The following MED13L variants were observed in gnomAD, a reference collection of about 807,000 sequenced individuals.
MED13L encodes the protein mediator of RNA polymerase II transcription subunit 13-like.
A neutral mutation model predicts 220.9 loss-of-function variants in MED13L; 7 were observed. That is an observed-to-expected ratio of 0.03 (90% confidence interval 0.02 to 0.06). The LOEUF (loss-of-function observed/expected upper bound fraction) is 0.06, where lower values mean the gene tolerates loss of function less well. MED13L is among the 10% of genes least tolerant of loss of function. The pLI is 1.00. For missense variants in MED13L, 1,965 were observed against 2,760.5 expected (o/e 0.71, Z 6.46); for synonymous variants, 1,011 against 1,015.2 (o/e 1.00, Z 0.08).
intron 2 of MED13L, among the ~76,000 whole-genome samples, chr12:116,190,630 A>T (rs1165392470): frequency 6.6e-6 from 1 of 152,244 alleles, no homozygotes; most frequent in Non-Finnish European, 1.5e-5. Context: ...CAATTAATCA[A>T]AACTAAGTAC....
chr12:116,098,610 G>C (rs1421003046), intron 3 of MED13L, among the ~76,000 whole-genome samples: 1 of 147,848 alleles, frequency 6.8e-6, no homozygotes, highest in Non-Finnish European at 1.5e-5. Context: ...GACCACAATG[G>C]AACTCCTTTT....
intron 2 of MED13L, among the ~76,000 whole-genome samples, chr12:116,131,293 T>C (rs1427728697): frequency 6.6e-6 from 1 of 152,246 alleles, no homozygotes; most frequent in African/African-American, 2.4e-5. Flanking sequence ...ATCCATATTG[T>C]ATGTGCCAGC....
At position 116,277,047 on chromosome 12, in the gene MED13L, C is replaced by G. The variant is rs542687581; in HGVS notation, c.72+13G>C. On this transcript the variant is annotated intron_variant, in intron 1 of 30. Coordinates refer to ENST00000281928, the MANE Select transcript of MED13L (RefSeq NM_015335.5). ...CCCCGGCACAGCCCCCTCCCCGCAGCCCGGCTACTCACCAGCGAAAAGAGG... is the reference window on the plus strand; with the variant it reads ...CCCCGGCACAGCCCCCTCCCCGCAGGCCGGCTACTCACCAGCGAAAAGAGG... 1.3e-6 allele frequency: 2 copies of G among 1,575,630 alleles called. No homozygotes were observed. Among genetic ancestry groups the G allele is most frequent in the Admixed American group, 1.8e-5 (1 of 55,032 alleles).
intron 16 of MED13L, among the ~76,000 whole-genome samples, chr12:115,994,353 T>C (rs1346097029): frequency 1.3e-5 from 2 of 152,040 alleles, no homozygotes; most frequent in African/African-American, 4.8e-5. Flanking sequence ...AGGAGGCTGA[T>C]GTGGGAGGAT....
At chr12:115,976,492 G>A (rs1592906159) in intron 23 of MED13L, among the ~76,000 whole-genome samples, 1 of 152,134 alleles carries the variant, frequency 6.6e-6, no homozygotes, top group East Asian at 1.9e-4. Context: ...TATCTTTAAG[G>A]GATTGGAAAG....
chr12:116,083,133 G>T (rs571735110), intron 4 of MED13L, among the ~76,000 whole-genome samples: 1 of 152,106 alleles, frequency 6.6e-6, no homozygotes, highest in East Asian at 1.9e-4. Flanking sequence ...CAGGCCAGGC[G>T]TGGTGGCTCA....
intron 1 of MED13L, among the ~76,000 whole-genome samples, chr12:116,267,393 T>A (rs998344799): frequency 6.6e-6 from 1 of 152,222 alleles, no homozygotes; most frequent in Non-Finnish European, 1.5e-5. Context: ...AATGCTATAC[T>A]TAAAACAAGT....
At chr12:116,200,335 C>T (rs1320240705) in intron 2 of MED13L, among the ~76,000 whole-genome samples, 1 of 152,040 alleles carries the variant, frequency 6.6e-6, no homozygotes, top group Non-Finnish European at 1.5e-5. Context: ...ATCTAGTGTA[C>T]TATAGCCACC....
chr12:116,271,040 C>CA (rs58162276), intron 1 of MED13L, among the ~76,000 whole-genome samples: 1,146 of 29,918 alleles, frequency 0.038, 141 homozygotes, highest in African/African-American at 0.057. Context: ...GACTCCGTCT[C>CA]AAAAAAAAAA....
In MED13L at chr12:116,019,325, C is replaced by T. The variant is rs1879915779; in HGVS notation, c.908G>A (p.Gly303Asp). 6.2e-7 allele frequency: 1 copy of T among 1,613,908 alleles called. No homozygotes were observed. Among genetic ancestry groups the T allele is most frequent in the African/African-American group, 1.3e-5 (1 of 74,906 alleles). ...CCCTTGCTGCCCAACTGCAATGTGG[C>T]CTCCAGCACTGGCAACACTCTGAGG... ...PVPQSVASAG[G>D]HIAVGQQGLG... The change falls in exon 7 of 31, where the codon GGC becomes GAC. Residue 303 changes from glycine (G) to aspartate (D), a missense_variant. Physicochemically the swap from Gly to Asp is moderately conservative, Grantham distance 94. Around this residue, in one of 10 missense-constraint regions of MED13L, gnomAD observed 818 missense variants for 1,041.2 expected, o/e 0.79. Transcript: ENST00000281928.
chr12:116,058,025 T>C (rs908133707), intron 4 of MED13L, among the ~76,000 whole-genome samples: 1 of 152,102 alleles, frequency 6.6e-6, no homozygotes, highest in Non-Finnish European at 1.5e-5. Flanking sequence ...TCACGAAAAA[T>C]TCATTTACTT....
At chr12:116,063,943 G>C (rs1040569357) in intron 4 of MED13L, among the ~76,000 whole-genome samples, 1 of 152,248 alleles carries the variant, frequency 6.6e-6, no homozygotes, top group African/African-American at 2.4e-5. Flanking sequence ...AGCACTTTGA[G>C]ATGGTGAGGT....
intron 2 of MED13L, among the ~76,000 whole-genome samples, chr12:116,174,123 A>C (rs1879879344): frequency 6.6e-6 from 1 of 152,048 alleles, no homozygotes; most frequent in Admixed American, 6.6e-5. Flanking sequence ...AAACTCAAAA[A>C]CTTAACCCCA....
chr12:116,019,152 T>G, intron 7 of MED13L, 72 bp downstream of exon 7: 3 of 1,469,100 alleles, frequency 2.0e-6, no homozygotes, highest in Non-Finnish European at 2.8e-6. Flanking sequence ...TTTTCTCACC[T>G]GTTCCATGGC....
chr12:116,200,057 G>A (rs1161222284), intron 2 of MED13L, among the ~76,000 whole-genome samples: 2 of 145,486 alleles, frequency 1.4e-5, no homozygotes, highest in Non-Finnish European at 3.0e-5. Flanking sequence ...ACTCTGGATG[G>A]CCAAGGCAGG....
chr12:116,228,333 T>C lies in MED13L; in HGVS notation c.310+9135A>G, dbSNP rs1869210034. 3.9e-5 allele frequency among the ~76,000 whole-genome samples: 6 copies of C among 152,212 alleles called. No homozygotes were observed. In the South Asian group the frequency reaches 1.2e-3, roughly 32 times the overall value. On this transcript the variant is annotated intron_variant, in intron 2 of 30. Coordinates refer to ENST00000281928, the MANE Select transcript of MED13L (RefSeq NM_015335.5). ...CAACAGGTTTTATTTTTTTCTTTTC[T>C]AGAGATAGGGTCTTACTGTGTCACT...
chr12:116,173,053 T>C (rs1249816875), intron 2 of MED13L, among the ~76,000 whole-genome samples: 1 of 137,426 alleles, frequency 7.3e-6, no homozygotes, highest in Non-Finnish European at 1.5e-5. Flanking sequence ...GATCAGAAAA[T>C]ACACCTTGCT....
chr12:116,276,372 G>A, intron 1 of MED13L: 6 of 1,034,612 alleles, frequency 5.8e-6, no homozygotes, highest in African/African-American at 1.6e-5. Flanking sequence ...TGTTAGGATA[G>A]AGAAAAACAG....
In MED13L at chr12:116,002,501, G is replaced by A. The variant is rs574073735; in HGVS notation, c.2569+502C>T. Reference sequence around the variant, plus strand: ...GCAAAGAATATACTCAAAAAAAAGAGGTTCATCTCTTTGTCAGCATATATG... The same window carrying A: ...GCAAAGAATATACTCAAAAAAAAGAAGTTCATCTCTTTGTCAGCATATATG... On this transcript the variant is annotated intron_variant, in intron 14 of 30. Transcript: ENST00000281928. Among the ~76,000 whole-genome samples, 17 of 152,252 alleles carry A rather than the reference G, an allele frequency of 1.1e-4. No individual in the cohort carries two copies. The East Asian group carries it at 3.1e-3, about 28-fold the overall frequency.
Sources: gnomAD v4.1 joint callset for allele counts (sites outside exome capture counted in the v4.1 genomes callset) on GRCh38, gnomAD v4.1.1 for gene constraint, gnomAD v4.1.1 regional missense constraint, MANE v1.5 for transcripts, NCBI Gene and HGNC (gene_info 2026-07-23, HGNC 2026-07-21) for gene names.